Variants in STK31 observed in about 807,000 individuals in gnomAD.
STK31 encodes the protein serine/threonine-protein kinase 31.
A neutral mutation model predicts 129.7 loss-of-function variants in STK31; 89 were observed. The ratio of observed to expected loss-of-function variants is 0.69; its 90% CI spans 0.58 to 0.82. The LOEUF is 0.82. STK31 is among the 40% of genes least tolerant of loss of function. The probability of loss-of-function intolerance (pLI) is 0.00; values close to 1 mark genes in which losing one functional copy is unlikely to be tolerated. For synonymous variants in STK31, 448 were observed against 395.3 expected, an observed-to-expected ratio of 1.13 and a Z score of -1.58; for missense variants, 1,187 against 1,176.4, an observed-to-expected ratio of 1.01 and a Z score of -0.13.
chr7:23,737,633 T>A (rs1787793819), intron 8 of STK31, among the ~76,000 whole-genome samples: 1 of 152,232 alleles, frequency 6.6e-6, no homozygotes, highest in African/African-American at 2.4e-5. Context: ...GAATGCCACA[T>A]GATTGTAGGC....
At chr7:23,728,630 G>T (rs1787225593) in intron 5 of STK31, among the ~76,000 whole-genome samples, 1 of 152,126 alleles carries the variant, frequency 6.6e-6, no homozygotes, top group Non-Finnish European at 1.5e-5. Context: ...TAAGGGTGGT[G>T]AATCTGATTA....
chr7:23,783,061 A>G (rs62470067), intron 16 of STK31, among the ~76,000 whole-genome samples: 32,490 of 152,128 alleles, frequency 0.21, 3,682 homozygotes, highest in African/African-American at 0.28. Flanking sequence ...GCTGAATCAC[A>G]GCATATTCGG....
chr7:23,829,128 C>A (rs1794390058), intron 23 of STK31, among the ~76,000 whole-genome samples: 1 of 151,076 alleles, frequency 6.6e-6, no homozygotes, highest in Non-Finnish European at 1.5e-5. Flanking sequence ...TCAGGCTGAT[C>A]TTGAACTCCT....
chr7:23,818,761 A>T (rs921794101), intron 23 of STK31, among the ~76,000 whole-genome samples: 1 of 152,148 alleles, frequency 6.6e-6, no homozygotes, highest in South Asian at 2.1e-4. Context: ...AGTAGCTGGT[A>T]CTACAGTCAC....
intron 22 of STK31, among the ~76,000 whole-genome samples, chr7:23,794,909 A>G (rs1791861183): frequency 6.6e-6 from 1 of 152,186 alleles, no homozygotes; most frequent in Admixed American, 6.5e-5. Context: ...GTGTAATCAC[A>G]AAGATATGGT....
intron 16 of STK31, among the ~76,000 whole-genome samples, chr7:23,782,057 A>T (rs1790962938): frequency 6.6e-6 from 1 of 152,132 alleles, no homozygotes; most frequent in African/African-American, 2.4e-5. Flanking sequence ...TATTTTTACC[A>T]CTGATTTTTG....
At chr7:23,794,591 C>T (rs111833854) in intron 22 of STK31, among the ~76,000 whole-genome samples, 3,737 of 152,166 alleles carry the variant, frequency 0.025, 87 homozygotes, top group African/African-American at 0.061. Context: ...CAGAAGAGGA[C>T]AGGAAGATGT....
At chr7:23,777,870 C>T (rs1195676749) in intron 15 of STK31, among the ~76,000 whole-genome samples, 1 of 151,906 alleles carries the variant, frequency 6.6e-6, no homozygotes, top group Non-Finnish European at 1.5e-5. Context: ...GAATTTGATC[C>T]TGTCATTATG....
chr7:23,736,576 G>A (rs1308766344), intron 7 of STK31, among the ~76,000 whole-genome samples: 1 of 132,052 alleles, frequency 7.6e-6, no homozygotes, highest in African/African-American at 2.9e-5. Flanking sequence ...CACAGGACGG[G>A]GGGATCACGG....
chr7:23,786,126 A>G (rs1185449392), intron 18 of STK31, among the ~76,000 whole-genome samples: 1 of 151,812 alleles, frequency 6.6e-6, no homozygotes, highest in Non-Finnish European at 1.5e-5. Flanking sequence ...GGGTGAACTT[A>G]TTATAGTCAT....
intron 23 of STK31, among the ~76,000 whole-genome samples, chr7:23,817,038 A>C (rs189648690): frequency 6.6e-6 from 1 of 152,282 alleles, no homozygotes; most frequent in East Asian, 1.9e-4. Context: ...ATACAAAAAA[A>C]TTAGCTGGAT....
chr7:23,785,594 T>A lies in STK31; in HGVS notation c.2265T>A (p.Ile755=), dbSNP rs749108449. The A allele has an allele frequency of 5.6e-6, 9 of 1,612,618 alleles. No homozygotes were observed. Among genetic ancestry groups the A allele is most frequent in the Admixed American group, 1.7e-5 (1 of 59,982 alleles). ...LVRSEVNGQI[I]LLKGYSVDVD... is the part of the protein sequence containing the mutation. ...GTTCTGAGGTTAATGGGCAGATAAT[T>A]CTGTTAAAGGTAAGTCTAACTTCTT... The change falls in exon 18 of 24, where the codon ATT becomes ATA. Residue 755 remains isoleucine, a synonymous_variant. Transcript: ENST00000355870.
chr7:23,735,270 ACTATT>A (rs1299254288), intron 6 of STK31, among the ~76,000 whole-genome samples: 1 of 152,222 alleles, frequency 6.6e-6, no homozygotes, highest in African/African-American at 2.4e-5. Context: ...GTTAAAAAAA[ACTATT>A]CTAGGATATT....
In STK31 at chr7:23,832,408, TG is replaced by T. The variant is rs748160153; in HGVS notation, c.*44del. 2.1e-5 allele frequency: 30 copies of T among 1,462,446 alleles called. No homozygotes were observed. Among genetic ancestry groups the T allele is most frequent in the Non-Finnish European group, 2.3e-5 (25 of 1,068,308 alleles). 90.6% of individuals were successfully genotyped at this position (1,462,446 alleles called of 1,614,324 possible). A position where few individuals can be genotyped will look rare whatever the true frequency, so the allele number is the denominator to read the frequency against. ...TTGCAGAGGTTCTTTTTAAAAACTT[TG>T]GTTTGGTTAATACACAGAAATATCT... On this transcript the variant is annotated 3_prime_UTR_variant, in exon 24 of 24. Transcript: ENST00000355870.
intron 10 of STK31, among the ~76,000 whole-genome samples, chr7:23,758,504 T>C (rs1036793074): frequency 1.3e-5 from 2 of 152,124 alleles, no homozygotes; most frequent in Non-Finnish European, 1.5e-5. Context: ...TTTCTTGTCT[T>C]CTGCTAGCTT....
intron 22 of STK31, among the ~76,000 whole-genome samples, chr7:23,804,315 A>G (rs1230003115): frequency 6.6e-6 from 1 of 151,958 alleles, no homozygotes; most frequent in Non-Finnish European, 1.5e-5. Flanking sequence ...ACACTTATTT[A>G]TCTTTATTAT....
At chr7:23,755,513 A>G (rs1159966603) in intron 10 of STK31, among the ~76,000 whole-genome samples, 1 of 152,050 alleles carries the variant, frequency 6.6e-6, no homozygotes, top group African/African-American at 2.4e-5. Flanking sequence ...ATTAGATCCC[A>G]TTTGTCAATT....
chr7:23,715,351 C>G (rs150655900), intron 3 of STK31, among the ~76,000 whole-genome samples: 42 of 151,814 alleles, frequency 2.8e-4, no homozygotes, highest in Non-Finnish European at 4.9e-4. Context: ...GGCATGGTGG[C>G]TCATGCCTGT....
intron 11 of STK31, among the ~76,000 whole-genome samples, chr7:23,766,499 C>T (rs1046390773): frequency 6.6e-6 from 1 of 152,200 alleles, no homozygotes; most frequent in African/African-American, 2.4e-5. Flanking sequence ...AGTGATCCGC[C>T]TCTCTTGGCC....
Sources: gnomAD v4.1 joint callset for allele counts (sites outside exome capture counted in the v4.1 genomes callset) on GRCh38, gnomAD v4.1.1 for gene constraint, MANE v1.5 for transcripts, NCBI Gene and HGNC (gene_info 2026-07-23, HGNC 2026-07-21) for gene names.